TBCD: variants seen among roughly 807,000 people sequenced by gnomAD.
TBCD encodes tubulin folding cofactor D, also known as tubulin-specific chaperone D.
In TBCD, 105 loss-of-function variants were observed where a neutral mutation model predicts 169.3. That is an observed-to-expected ratio of 0.62 (90% CI 0.53 to 0.73). The LOEUF (loss-of-function observed/expected upper bound fraction) is 0.73, where lower values mean the gene tolerates loss of function less well. Among genes scored for constraint, TBCD ranks in the 30% least tolerant of loss-of-function variants. The probability of loss-of-function intolerance (pLI) is 0.00; values close to 1 mark genes in which losing one functional copy is unlikely to be tolerated. For synonymous variants in TBCD, 700 were observed against 643.9 expected, an observed-to-expected ratio of 1.09 and a Z score of -1.32; for missense variants, 1,444 against 1,600.1, an observed-to-expected ratio of 0.90 and a Z score of 1.66.
intron 30 of TBCD, 98 bp from the exon 31 acceptor site, chr17:82,929,015 T>A: frequency 6.8e-7 from 1 of 1,473,608 alleles, no homozygotes; most frequent in East Asian, 2.4e-5. Context: ...CTCGTGGTGC[T>A]TGGGCTGGAG....
At position 82,945,441 on chromosome 17, in the gene TBCD, G is replaced by C. The variant is rs139258685; in HGVS notation, c.*2978G>C. 2.0e-4 allele frequency: 30 copies of C among 152,338 alleles called. No individual in the cohort carries two copies. Among genetic ancestry groups the C allele is most frequent in the African/African-American group, 7.0e-4 (29 of 41,578 alleles). 9.4% of individuals were successfully genotyped at this position (152,338 alleles called of 1,614,324 possible). A position where few individuals can be genotyped will look rare whatever the true frequency, so the allele number is the denominator to read the frequency against. On this transcript the variant is annotated 3_prime_UTR_variant, in exon 39 of 39. Transcript: ENST00000355528. ...ACTGCAGAACTGTAAGAAGGACAGA[G>C]TGATATAAACGACTACCAATTTCCC...
chr17:82,919,734 C>T (rs773856298), intron 23 of TBCD, among the ~76,000 whole-genome samples: 2 of 152,116 alleles, frequency 1.3e-5, no homozygotes, highest in Non-Finnish European at 2.9e-5. Flanking sequence ...TCTCGTGGAA[C>T]AGGAGTTGTC....
intron 6 of TBCD, among the ~76,000 whole-genome samples, chr17:82,779,772 G>T (rs939537888): frequency 2.0e-5 from 3 of 152,028 alleles, no homozygotes; most frequent in Non-Finnish European, 4.4e-5. Flanking sequence ...GAGATGACGT[G>T]GGGGCCGGAG....
chr17:82,753,354 C>G (rs1040861850), intron 1 of TBCD, among the ~76,000 whole-genome samples: 2 of 151,090 alleles, frequency 1.3e-5, no homozygotes, highest in Non-Finnish European at 1.5e-5. Context: ...CGATGCCTCT[C>G]GTGCAGAACT....
At chr17:82,875,756 A>AC (rs2057925953) in intron 14 of TBCD, among the ~76,000 whole-genome samples, 1 of 152,226 alleles carries the variant, frequency 6.6e-6, no homozygotes. Context: ...CCAGGGGAAG[A>AC]CAACACGTGT....
At chr17:82,849,621 C>G (rs569014401) in intron 13 of TBCD, among the ~76,000 whole-genome samples, 1 of 152,320 alleles carries the variant, frequency 6.6e-6, no homozygotes, top group African/African-American at 2.4e-5. Flanking sequence ...GGCATTGTTC[C>G]AAGCACACGG....
At chr17:82,838,326 AAG>A (rs1007777390) in intron 13 of TBCD, among the ~76,000 whole-genome samples, 16 of 128,796 alleles carry the variant, frequency 1.2e-4, no homozygotes, top group African/African-American at 4.7e-4. Context: ...AGACAAGAGA[AAG>A]AGTTCTTAAA....
intron 15 of TBCD, among the ~76,000 whole-genome samples, chr17:82,887,131 C>CTGTGTGTGTGTGTGTGTGTG (rs771003321): frequency 6.5e-5 from 8 of 123,438 alleles, no homozygotes; most frequent in African/African-American, 1.3e-4. Context: ...TACCTGTACT[C>CTGTGTGTGTGTGTGTGTGTG]TGTGTGTGTG....
intron 28 of TBCD, 34 bp downstream of exon 28, chr17:82,926,525 GTC>G: frequency 6.3e-7 from 1 of 1,587,358 alleles, no homozygotes; most frequent in Non-Finnish European, 8.6e-7. Context: ...AAAGTCGTAA[GTC>G]TCTGAAAGGC....
intron 13 of TBCD, among the ~76,000 whole-genome samples, chr17:82,861,492 T>A (rs1013608166): frequency 6.6e-6 from 1 of 152,188 alleles, no homozygotes; most frequent in African/African-American, 2.4e-5. Flanking sequence ...TTGTTTATAT[T>A]GATAATCATC....
chr17:82,941,631 C>T lies in TBCD; in HGVS notation c.3564+148C>T, dbSNP rs2292968. ...GTCAGGACCCCTGGGATTACGGGAC[C>T]AGCAGAGCTGCCTTCTCTGGCCACT... is the stretch of plus-strand genomic sequence containing the variant. On this transcript the variant is annotated intron_variant, in intron 38 of 38. Coordinates refer to ENST00000355528, the MANE Select transcript of TBCD (RefSeq NM_005993.5). 0.043 allele frequency: 30,878 copies of T among 711,938 alleles called. 1,361 individuals are homozygous for T. The highest frequency in any genetic ancestry group is 0.17 in the African/African-American group (9,568 of 55,416). The allele number at this position is 711,938 out of a possible 1,614,324, so 44.1% of individuals were successfully genotyped here. A position where few individuals can be genotyped will look rare whatever the true frequency, so the allele number is the denominator to read the frequency against.
intron 32 of TBCD, 120 bp downstream of exon 32, chr17:82,929,620 G>A (rs776822346): frequency 1.2e-5 from 17 of 1,393,932 alleles, no homozygotes; most frequent in Admixed American, 5.8e-5. Flanking sequence ...TATCTCTCTC[G>A]GGCATATTTG....
In TBCD at chr17:82,752,360, C is replaced by A; in HGVS notation, c.167C>A (p.Ala56Asp). Residue 56 changes from alanine to aspartate, a missense_variant, in exon 1 of 39, where the codon GCC (alanine) becomes GAC (aspartate). Physicochemically the swap from Ala to Asp is moderately radical, Grantham distance 126. Coordinates refer to ENST00000355528, the MANE Select transcript of TBCD (RefSeq NM_005993.5). ...VHGGGAEREV[A>D]LERFRVIMDK... is the part of the protein sequence containing the mutation. ...GGCGGCGGCGCGGAGCGCGAGGTGG[C>A]CCTGGAGCGGTTCCGCGGTGCGTGG... 1 of 1,366,384 alleles carries A rather than the reference C, an allele frequency of 7.3e-7. No individual in the cohort carries two copies. The highest frequency in any genetic ancestry group is 9.3e-7 in the Non-Finnish European group (1 of 1,070,810). The allele number at this position is 1,366,384 out of a possible 1,614,324, so 84.6% of individuals were successfully genotyped here.
chr17:82,760,376 G>A (rs959553308), intron 2 of TBCD, among the ~76,000 whole-genome samples: 11 of 152,126 alleles, frequency 7.2e-5, no homozygotes, highest in African/African-American at 2.7e-4. Flanking sequence ...CTAAGATCAT[G>A]GTATTATGTC....
intron 14 of TBCD, among the ~76,000 whole-genome samples, chr17:82,876,450 A>G (rs951393805): frequency 1.3e-5 from 2 of 152,328 alleles, no homozygotes; most frequent in Admixed American, 6.5e-5. Flanking sequence ...AGGGAAACTG[A>G]GAGGCCCACG....
In TBCD at chr17:82,752,174, G is replaced by A; in HGVS notation, c.-20G>A. 6.7e-7 allele frequency: 1 copy of A among 1,502,516 alleles called. No individual in the cohort carries two copies. Among genetic ancestry groups the A allele is most frequent in the Admixed American group, 2.3e-5 (1 of 44,328 alleles). 93.1% of individuals were successfully genotyped at this position (1,502,516 alleles called of 1,614,324 possible). On this transcript the variant is annotated 5_prime_UTR_variant, in exon 1 of 39. Transcript: ENST00000355528. The stretch of plus-strand genomic sequence containing the variant: ...ATCTGCGAACACGTGAGGCGGGGGC[G>A]CGGTCCCCAGGCTGCCGAGATGGCC...
At chr17:82,777,663 T>G (rs1351114543) in intron 6 of TBCD, among the ~76,000 whole-genome samples, 1 of 152,240 alleles carries the variant, frequency 6.6e-6, no homozygotes, top group Non-Finnish European at 1.5e-5. Context: ...AATTTGCTAC[T>G]GCTAACTAAA....
At chr17:82,807,697 C>T (rs369791298) in intron 11 of TBCD, 29 bp downstream of exon 11, 101 of 1,435,448 alleles carry the variant, frequency 7.0e-5, no homozygotes, top group Middle Eastern at 5.4e-4. Context: ...AGAAGCACCC[C>T]GGGGGGTGGG....
At chr17:82,772,377 A>T in intron 5 of TBCD, 75 bp from the exon 6 acceptor site, 3 of 1,466,258 alleles carry the variant, frequency 2.0e-6, no homozygotes, top group Non-Finnish European at 2.9e-6. Flanking sequence ...TGAGGGTGGG[A>T]CTGGTGACTG....
Sources: gnomAD v4.1 joint callset for allele counts (sites outside exome capture counted in the v4.1 genomes callset) on GRCh38, gnomAD v4.1.1 for gene constraint, MANE v1.5 for transcripts, NCBI Gene and HGNC (gene_info 2026-07-23, HGNC 2026-07-21) for gene names.